STAT3: variants seen among roughly 807,000 people sequenced by gnomAD.
The protein encoded by STAT3 is DNA-binding protein APRF.
STAT3 carries 7 observed loss-of-function variants against 114.3 expected under a neutral mutation model. The observed-to-expected ratio is 0.06, with a 90% CI of 0.03 to 0.11. The LOEUF is 0.11. Among genes scored for constraint, STAT3 ranks in the 10% least tolerant of loss-of-function variants. The pLI is 1.00. For synonymous variants in STAT3, 331 were observed against 354.5 expected (o/e 0.93, Z 0.74); for missense variants, 364 against 960.9 (o/e 0.38, Z 8.21).
chr17:42,345,359 C>A (rs2082649046), intron 4 of STAT3, 200 bp downstream of exon 4: 1 of 551,536 alleles, frequency 1.8e-6, no homozygotes, highest in South Asian at 2.4e-5. Flanking sequence ...GTGGAACTTT[C>A]TTTTTTTTAG....
intron 14 of STAT3, among the ~76,000 whole-genome samples, chr17:42,327,373 C>T (rs1161403304): frequency 6.6e-6 from 1 of 152,150 alleles, no homozygotes; most frequent in East Asian, 1.9e-4. Context: ...CTTATGGACT[C>T]CAATGAATTC....
At chr17:42,376,044 G>T (rs865969824) in intron 1 of STAT3, among the ~76,000 whole-genome samples, 1 of 151,494 alleles carries the variant, frequency 6.6e-6, no homozygotes, top group Non-Finnish European at 1.5e-5. Flanking sequence ...CCAGCTACTC[G>T]GGAGGCTGAG....
At chr17:42,349,308 A>T (rs2082834989) in intron 1 of STAT3, among the ~76,000 whole-genome samples, 1 of 152,180 alleles carries the variant, frequency 6.6e-6, no homozygotes, top group Non-Finnish European at 1.5e-5. Context: ...AATAATTCCC[A>T]CTCCTCAGAG....
chr17:42,358,250 T>C (rs929277919), intron 1 of STAT3, among the ~76,000 whole-genome samples: 1 of 152,094 alleles, frequency 6.6e-6, no homozygotes, highest in Non-Finnish European at 1.5e-5. Context: ...ACCTTGCCTC[T>C]ACAAAAAAAT....
At chr17:42,336,850 G>A (rs1467997674) in intron 8 of STAT3, among the ~76,000 whole-genome samples, 1 of 151,740 alleles carries the variant, frequency 6.6e-6, no homozygotes, top group Non-Finnish European at 1.5e-5. Context: ...TAAAAGGTTT[G>A]TCTATCTGTT....
intron 1 of STAT3, among the ~76,000 whole-genome samples, chr17:42,380,325 C>G (rs2084709956): frequency 1.3e-5 from 2 of 150,598 alleles, no homozygotes; most frequent in African/African-American, 4.9e-5. Flanking sequence ...GCCCGACCTC[C>G]TAATTATGTT....
At chr17:42,332,537 CAA>C (rs759010924) in intron 10 of STAT3, among the ~76,000 whole-genome samples, 23 of 40,782 alleles carry the variant, frequency 5.6e-4, no homozygotes, top group East Asian at 2.0e-3. Flanking sequence ...GACTCCATCT[CAA>C]AAAAAAAAAA....
intron 1 of STAT3, among the ~76,000 whole-genome samples, chr17:42,358,933 C>CTTTTTTTTTATTTTTTTTTTTTTTTTTTT (rs2083366917): frequency 1.0e-5 from 1 of 100,500 alleles, no homozygotes; most frequent in African/African-American, 3.9e-5. Context: ...ACATTTCTTA[C>CTTTTTTTTTATTTTTTTTTTTTTTTTTTT]TTTTTTTTTT....
chr17:42,317,468 T>C lies in STAT3; in HGVS notation c.2102-244A>G. The stretch of plus-strand genomic sequence containing the variant: ...AAAGCTGTCCTGAGCTGCAGAGACT[T>C]TTCAGCATAACCTTTTCCCACCTGA... On this transcript the variant is annotated intron_variant, in intron 21 of 23. Transcript: ENST00000264657. 3 of 590,354 alleles carry C rather than the reference T, an allele frequency of 5.1e-6. No homozygotes were observed. The East Asian group carries it at 8.5e-5, about 17-fold the overall frequency. 36.6% of individuals were successfully genotyped at this position (590,354 alleles called of 1,614,324 possible). A position where few individuals can be genotyped will look rare whatever the true frequency, so the allele number is the denominator to read the frequency against.
intron 1 of STAT3, chr17:42,374,158 C>G (rs1332386050): frequency 1.3e-5 from 2 of 152,160 alleles, no homozygotes; most frequent in Admixed American, 1.3e-4. Context: ...GGAAATTCCA[C>G]TACTCATGAA....
rs1310828604 is a variant in STAT3 at position 42,314,205 on chromosome 17, AAGTTTATC to A, written c.*1532_*1539del. The stretch of plus-strand genomic sequence containing the variant: ...TACACCCTCATACGAGGGCAGACTC[AAGTTTATC>A]AGTAAGCCTTTGCCCTGCATGAACT... On this transcript the variant is annotated 3_prime_UTR_variant, in exon 24 of 24. Coordinates refer to ENST00000264657, the MANE Select transcript of STAT3 (RefSeq NM_139276.3). The A allele has an allele frequency of 4.3e-6, 1 of 232,600 alleles. No homozygotes were observed. The highest frequency in any genetic ancestry group is 6.0e-5 in the East Asian group (1 of 16,564). 14.4% of individuals were successfully genotyped at this position (232,600 alleles called of 1,614,324 possible).
rs73983716 is a variant in STAT3, at chr17:42,355,958, A to G, written c.-23-7419T>C. Among the ~76,000 whole-genome samples the G allele has an allele frequency of 1.5e-3, 226 of 152,312 alleles. 1 individual carries two copies. Among genetic ancestry groups the G allele is most frequent in the Middle Eastern group, 0.014 (4 of 294 alleles). On this transcript the variant is annotated intron_variant, in intron 1 of 23. Coordinates refer to ENST00000264657, the MANE Select transcript of STAT3 (RefSeq NM_139276.3). The stretch of plus-strand genomic sequence containing the variant: ...TAATCCAGAACAGAAAGTGATCTAA[A>G]GATAACTTCTGTTCCACTTTGCAAT...
At position 42,370,586 on chromosome 17, in the gene STAT3, ATTGT is replaced by A. The variant is rs2084062159; in HGVS notation, c.-24+17689_-24+17692del. The stretch of plus-strand genomic sequence containing the variant: ...GCCATCTTCTCATTTCTTTGGTGAG[ATTGT>A]TTGGTTTTTGCTTCTGAAGATTTTC... On this transcript the variant is annotated intron_variant, in intron 1 of 23. Transcript: ENST00000264657. 2.1e-5 allele frequency among the ~76,000 whole-genome samples: 3 copies of A among 146,100 alleles called. 1 individual carries two copies. The Admixed American group carries it at 2.1e-4, about 10-fold the overall frequency.
chr17:42,318,451 C>G (rs1274009324), intron 21 of STAT3, among the ~76,000 whole-genome samples: 1 of 152,074 alleles, frequency 6.6e-6, no homozygotes, highest in Admixed American at 6.6e-5. Flanking sequence ...AGCCCATATT[C>G]TCTTTTATGT....
intron 1 of STAT3, among the ~76,000 whole-genome samples, chr17:42,365,799 G>A (rs1409853275): frequency 6.6e-6 from 1 of 151,822 alleles, no homozygotes. Context: ...GGGACTACAG[G>A]TGCCCGGTAC....
chr17:42,334,645 T>G (rs188982881), intron 8 of STAT3, among the ~76,000 whole-genome samples: 1 of 152,042 alleles, frequency 6.6e-6, no homozygotes, highest in South Asian at 2.1e-4. Flanking sequence ...GGATTTTGCC[T>G]TGTTGGCCAG....
chr17:42,374,610 CAAAAAA>C (rs1260078348), intron 1 of STAT3, among the ~76,000 whole-genome samples: 2 of 120,932 alleles, frequency 1.7e-5, no homozygotes, highest in Non-Finnish European at 3.3e-5. Context: ...AACTCCATCT[CAAAAAA>C]AAAAAAAAAA....
intron 23 of STAT3, 191 bp from the exon 24 acceptor site, chr17:42,315,991 C>G: frequency 6.9e-7 from 1 of 1,458,514 alleles, no homozygotes; most frequent in Non-Finnish European, 9.0e-7. Flanking sequence ...GGGAAGGGTC[C>G]TTTCTCATTC....
At chr17:42,379,506 G>C (rs1194525398) in intron 1 of STAT3, among the ~76,000 whole-genome samples, 2 of 152,202 alleles carry the variant, frequency 1.3e-5, no homozygotes, top group Non-Finnish European at 2.9e-5. Context: ...ATTCAGCTGA[G>C]TAATGTGCAG....
Sources: allele counts gnomAD v4.1 joint callset (sites outside exome capture counted in the v4.1 genomes callset), GRCh38; gene constraint gnomAD v4.1.1; transcripts MANE v1.5; gene names NCBI Gene and HGNC (gene_info 2026-07-23, HGNC 2026-07-21).